Variants in VEZT observed in about 807,000 individuals in gnomAD.
VEZT encodes the protein vezatin.
Under a neutral mutation model 79.9 loss-of-function variants are expected in VEZT, and 39 were observed. The observed-to-expected ratio is 0.49, with a 90% CI of 0.38 to 0.64. The LOEUF is 0.64. VEZT is among the 30% of genes least tolerant of loss of function. The pLI, the probability that VEZT is intolerant of heterozygous loss-of-function variation, is 0.00. For synonymous variants in VEZT, 325 were observed against 327.6 expected, an observed-to-expected ratio of 0.99 and a Z score of 0.09; for missense variants, 837 against 893.1, an observed-to-expected ratio of 0.94 and a Z score of 0.80.
chr12:95,256,656 G>C lies in VEZT; in HGVS notation c.169-494G>C, dbSNP rs760708694. On this transcript the variant is annotated intron_variant, in intron 2 of 11. Coordinates refer to ENST00000436874, the MANE Select transcript of VEZT (RefSeq NM_017599.4). The stretch of plus-strand genomic sequence containing the variant: ...AATTTTTGGTTGATTCAGTAGTAAA[G>C]CTTTTTTATCAATATATGACAGTTT... 19 of 1,176,066 alleles carry C rather than the reference G, an allele frequency of 1.6e-5. 1 individual carries two copies. The South Asian group carries it at 2.5e-4, about 15-fold the overall frequency. The allele number at this position is 1,176,066 out of a possible 1,614,324, so 72.9% of individuals were successfully genotyped here.
At chr12:95,244,387 A>G (rs1378105317) in intron 1 of VEZT, among the ~76,000 whole-genome samples, 2 of 152,144 alleles carry the variant, frequency 1.3e-5, no homozygotes, top group Non-Finnish European at 2.9e-5. Context: ...TTTCTAAATA[A>G]ATAAATAATG....
Position 95,300,910 on chromosome 12 carries a change from TG to T in VEZT, c.*238del, listed in dbSNP as rs2075140366. Reference sequence around the variant, plus strand: ...CTTTTGAATAAACTGCTGTTTTATTTGTGGCACAACTGATCAATCTTGGAAA... The same window carrying T: ...CTTTTGAATAAACTGCTGTTTTATTTTGGCACAACTGATCAATCTTGGAAA... On this transcript the variant is annotated 3_prime_UTR_variant, in exon 12 of 12. Transcript: ENST00000436874. 1 of 341,110 alleles carries T rather than the reference TG, an allele frequency of 2.9e-6. No homozygotes were observed. The highest frequency in any genetic ancestry group is 9.1e-5 in the South Asian group (1 of 11,024). 21.1% of individuals were successfully genotyped at this position (341,110 alleles called of 1,614,324 possible). A position where few individuals can be genotyped will look rare whatever the true frequency, so the allele number is the denominator to read the frequency against.
intron 1 of VEZT, among the ~76,000 whole-genome samples, chr12:95,247,398 C>T (rs1049188866): frequency 6.6e-6 from 1 of 151,984 alleles, no homozygotes; most frequent in Non-Finnish European, 1.5e-5. Context: ...TATAAGTATC[C>T]GGCAATTTTC....
intron 5 of VEZT, among the ~76,000 whole-genome samples, chr12:95,269,383 C>T (rs2066170577): frequency 6.6e-6 from 1 of 152,184 alleles, no homozygotes; most frequent in African/African-American, 2.4e-5. Context: ...CTTTGCCTTT[C>T]TACTTGTATT....
chr12:95,251,736 T>C (rs573494627), intron 1 of VEZT, among the ~76,000 whole-genome samples: 1 of 152,328 alleles, frequency 6.6e-6, no homozygotes, highest in South Asian at 2.1e-4. Flanking sequence ...TTTTTCCTTT[T>C]TTGGGTTCCT....
chr12:95,251,861 G>A (rs549292701), intron 1 of VEZT, 79 bp from the exon 2 acceptor site: 43 of 1,370,858 alleles, frequency 3.1e-5, no homozygotes, highest in Non-Finnish European at 4.0e-5. Flanking sequence ...CAATAGTGAA[G>A]TCTGGTATTA....
chr12:95,291,795 T>C (rs1240077750), intron 9 of VEZT, among the ~76,000 whole-genome samples: 2 of 151,936 alleles, frequency 1.3e-5, no homozygotes, highest in Non-Finnish European at 2.9e-5. Context: ...AGGCTTTTTG[T>C]GTTTGTTTGT....
chr12:95,275,483 G>A (rs1322383185), intron 7 of VEZT, among the ~76,000 whole-genome samples: 1 of 151,834 alleles, frequency 6.6e-6, no homozygotes, highest in East Asian at 1.9e-4. Flanking sequence ...GCCTATGGGA[G>A]GCTGAGGCAG....
intron 1 of VEZT, among the ~76,000 whole-genome samples, chr12:95,226,764 A>G (rs2058551459): frequency 6.6e-6 from 1 of 152,340 alleles, no homozygotes; most frequent in South Asian, 2.1e-4. Flanking sequence ...GAAAGAGTGA[A>G]GTGCCCAGGC....
At chr12:95,281,041 T>C (rs2068959735) in intron 7 of VEZT, among the ~76,000 whole-genome samples, 1 of 152,224 alleles carries the variant, frequency 6.6e-6, no homozygotes, top group South Asian at 2.1e-4. Flanking sequence ...TACTGTCTAT[T>C]TTCATGGTTG....
At position 95,265,549 on chromosome 12, in the gene VEZT, C is replaced by G. The variant is rs536795407; in HGVS notation, c.435-808C>G. 5.3e-5 allele frequency among the ~76,000 whole-genome samples: 8 copies of G among 151,240 alleles called. No homozygotes were observed. In the East Asian group the frequency reaches 1.6e-3, roughly 29 times the overall value. On this transcript the variant is annotated intron_variant, in intron 4 of 11. Transcript: ENST00000436874. ...AATCTATAAAATCGGATTTTAAAAT[C>G]TCTAATTTGCTTTTTAGGTTAAGGA...
At chr12:95,228,784 A>G (rs2058842600) in intron 1 of VEZT, among the ~76,000 whole-genome samples, 1 of 152,216 alleles carries the variant, frequency 6.6e-6, no homozygotes, top group South Asian at 2.1e-4. Context: ...TTAGAAGATC[A>G]CATGAACTCA....
chr12:95,252,053 T>A lies in VEZT; in HGVS notation c.150T>A (p.Pro50=). Residue 50 remains proline (P), a synonymous_variant, in exon 2 of 12, where the codon CCT becomes CCA. Transcript: ENST00000436874. The stretch of plus-strand genomic sequence containing the variant: ...CAACAGAGGGACAACAAAAGCCTCC[T>A]ACAAGAGTCCTACCAAAAGTAAGAA... ...KCTTEGQQKP[P]TRVLPKQGIL... The A allele has an allele frequency of 6.2e-7, 1 of 1,607,302 alleles. No individual in the cohort carries two copies. Among genetic ancestry groups the A allele is most frequent in the Non-Finnish European group, 8.5e-7 (1 of 1,177,856 alleles).
At chr12:95,229,377 T>A (rs992429337) in intron 1 of VEZT, among the ~76,000 whole-genome samples, 1 of 152,218 alleles carries the variant, frequency 6.6e-6, no homozygotes, top group Non-Finnish European at 1.5e-5. Flanking sequence ...TTCATTTTTT[T>A]AAAAGCATTG....
At chr12:95,233,916 C>T (rs1329976735) in intron 1 of VEZT, among the ~76,000 whole-genome samples, 6 of 152,106 alleles carry the variant, frequency 3.9e-5, no homozygotes, top group African/African-American at 1.4e-4. Flanking sequence ...TATTCATAGA[C>T]TGGAAGCTTA....
rs752937317 is a variant in VEZT, at chr12:95,266,404, C to G, written c.482C>G (p.Pro161Arg). 1 of 1,613,652 alleles carries G rather than the reference C, an allele frequency of 6.2e-7. No individual in the cohort carries two copies. The highest frequency in any genetic ancestry group is 8.5e-7 in the Non-Finnish European group (1 of 1,179,826). Reference sequence around the variant, plus strand: ...TTCATTAGCTTGCTCGTTATGCTTCCCACTTGGTGGATTGTGTCTTCCTGG... The same window carrying G: ...TTCATTAGCTTGCTCGTTATGCTTCGCACTTGGTGGATTGTGTCTTCCTGG... ...FAFISLLVML[P>R]TWWIVSSWLV... Residue 161 changes from proline to arginine, a missense_variant, in exon 5 of 12, where the codon CCC (proline) becomes CGC (arginine). Physicochemically the swap from Pro to Arg is moderately radical, Grantham distance 103. Coordinates refer to ENST00000436874, the MANE Select transcript of VEZT (RefSeq NM_017599.4).
chr12:95,279,260 T>G (rs912360815), intron 7 of VEZT, among the ~76,000 whole-genome samples: 5 of 152,196 alleles, frequency 3.3e-5, no homozygotes, highest in African/African-American at 1.2e-4. Context: ...GCCATGTTGG[T>G]GCTCAAAAAG....
In VEZT at chr12:95,253,975, T is replaced by TTTTA. The variant is rs541160757; in HGVS notation, c.168+1924_168+1927dup. On this transcript the variant is annotated intron_variant, in intron 2 of 11. Coordinates refer to ENST00000436874, the MANE Select transcript of VEZT (RefSeq NM_017599.4). ...GTCTAGAAAGTTTGTTTTGTCTTCA[T>TTTTA]TTTATTTATTTATTTATTTATTTGA... 3.7e-3 allele frequency among the ~76,000 whole-genome samples: 555 copies of TTTTA among 152,022 alleles called. 6 individuals are homozygous for TTTTA. The highest frequency in any genetic ancestry group is 0.012 in the African/African-American group (483 of 41,450).
At chr12:95,280,422 CCT>C (rs1321166927) in intron 7 of VEZT, among the ~76,000 whole-genome samples, 3 of 148,510 alleles carry the variant, frequency 2.0e-5, no homozygotes, top group Non-Finnish European at 4.5e-5. Flanking sequence ...AGCCCCTTCT[CCT>C]CTCTCCTTCG....
Sources: gnomAD v4.1 joint callset for allele counts (sites outside exome capture counted in the v4.1 genomes callset) on GRCh38, gnomAD v4.1.1 for gene constraint, MANE v1.5 for transcripts, NCBI Gene and HGNC (gene_info 2026-07-23, HGNC 2026-07-21) for gene names.